The following PCDHGA7 variants were observed in gnomAD, a reference collection of about 807,000 sequenced individuals.
The protein encoded by PCDHGA7 is protocadherin gamma subfamily A, 7, also known as protocadherin gamma-A7.
In PCDHGA7, 44 loss-of-function variants were observed where a neutral mutation model predicts 58.3. The ratio of observed to expected loss-of-function variants is 0.75; its 90% CI spans 0.59 to 0.97. The LOEUF (loss-of-function observed/expected upper bound fraction) is 0.97, where lower values mean the gene tolerates loss of function less well. Among genes scored for constraint, PCDHGA7 ranks in the 50% least tolerant of loss-of-function variants. The pLI is 0.00. For synonymous variants in PCDHGA7, 516 were observed against 504.2 expected (o/e 1.02, Z -0.31); for missense variants, 1,266 against 1,188.7 (o/e 1.06, Z -0.96).
At chr5:141,507,797 C>T (rs933921827) in intron 3 of PCDHGA7, among the ~76,000 whole-genome samples, 3 of 152,240 alleles carry the variant, frequency 2.0e-5, no homozygotes, top group Non-Finnish European at 2.9e-5. Flanking sequence ...TCTAAGCCTG[C>T]GCCCTGGGGA....
Position 141,385,198 on chromosome 5 carries a change from C to A in PCDHGA7, c.2299C>A (p.His767Asn). 1 of 1,614,224 alleles carries A rather than the reference C, an allele frequency of 6.2e-7. No individual in the cohort carries two copies. Among genetic ancestry groups the A allele is most frequent in the Non-Finnish European group, 8.5e-7 (1 of 1,180,042 alleles). ...VSLTADSRKS[H>N]LIFPQPNYVD... The stretch of plus-strand genomic sequence containing the variant: ...CCTCACCGCGGACTCTCGGAAGAGT[C>A]ACCTGATCTTCCCCCAGCCCAACTA... Residue 767 changes from histidine (H) to asparagine (N), a missense_variant, in exon 1 of 4, where the codon CAC (histidine) becomes AAC (asparagine). By Grantham distance (68) the His-to-Asn change is moderately conservative (BLOSUM62 1). Coordinates refer to ENST00000518325, the MANE Select transcript of PCDHGA7 (RefSeq NM_018920.4).
At position 141,485,971 on chromosome 5, in the gene PCDHGA7, C is replaced by T; in HGVS notation, c.2425-8836C>T. On this transcript the variant is annotated intron_variant, in intron 1 of 3. Transcript: ENST00000518325. This position sits in a 1 kb window ranked among gnomAD's most constrained non-coding sequence, Gnocchi z 5.7. Reference sequence around the variant, plus strand: ...GCATGGTGCTCATCCAGCTCAATGCCTCAGACCCGGACCTGGGTCCCAGTG... The same window carrying T: ...GCATGGTGCTCATCCAGCTCAATGCTTCAGACCCGGACCTGGGTCCCAGTG... The T allele has an allele frequency of 6.2e-7, 1 of 1,614,196 alleles. No individual in the cohort carries two copies. The highest frequency in any genetic ancestry group is 8.5e-7 in the Non-Finnish European group (1 of 1,180,042).
chr5:141,397,205 AAG>A (rs896486095), intron 1 of PCDHGA7, among the ~76,000 whole-genome samples: 76 of 152,336 alleles, frequency 5.0e-4, no homozygotes, highest in African/African-American at 1.8e-3. Context: ...GATATGACAT[AAG>A]AGAAGTATTT....
chr5:141,490,476 G>A lies in PCDHGA7; in HGVS notation c.2425-4331G>A. 1 of 1,614,208 alleles carries A rather than the reference G, an allele frequency of 6.2e-7. No homozygotes were observed. The highest frequency in any genetic ancestry group is 8.5e-7 in the Non-Finnish European group (1 of 1,180,046). On this transcript the variant is annotated intron_variant, in intron 1 of 3. Transcript: ENST00000518325. The surrounding 1 kb of genome is among the most constrained non-coding windows in gnomAD (Gnocchi z 5.4). ...ACTCGCTGCTAACCAGCCAGCCTTT[G>A]GACCGGGAGGCCACATCCCACTATA...
intron 2 of PCDHGA7, among the ~76,000 whole-genome samples, chr5:141,496,411 CT>C (rs1266082660): frequency 6.6e-6 from 1 of 152,190 alleles, no homozygotes; most frequent in African/African-American, 2.4e-5. Context: ...TGGTTGAGTA[CT>C]TGCTGTCCAC....
intron 1 of PCDHGA7, chr5:141,423,443 C>A: frequency 6.2e-7 from 1 of 1,613,998 alleles, no homozygotes; most frequent in Non-Finnish European, 8.5e-7. Flanking sequence ...ATGCCCACGT[C>A]ACATTTTGTA....
chr5:141,402,593 G>T (rs4151700), intron 1 of PCDHGA7, among the ~76,000 whole-genome samples: 8,085 of 152,244 alleles, frequency 0.053, 229 homozygotes, highest in South Asian at 0.08. Flanking sequence ...AAAATAGATT[G>T]CTTTTGAAAT....
At chr5:141,403,121 C>T (rs2094357954) in intron 1 of PCDHGA7, 1 of 1,614,046 alleles carries the variant, frequency 6.2e-7, no homozygotes, top group Non-Finnish European at 8.5e-7. Context: ...TCTGGAGCCC[C>T]GGGAGCTGGC....
chr5:141,444,152 ATTTTTTTTTTTTTT>A (rs747671382), intron 1 of PCDHGA7, among the ~76,000 whole-genome samples: 241 of 33,882 alleles, frequency 7.1e-3, no homozygotes, highest in African/African-American at 0.019. Flanking sequence ...TGTGTACTGG[ATTTTTTTTTTTTTT>A]TTTTTTTTTT....
intron 1 of PCDHGA7, among the ~76,000 whole-genome samples, chr5:141,443,016 G>T (rs1325670377): frequency 6.6e-6 from 1 of 152,204 alleles, no homozygotes; most frequent in East Asian, 1.9e-4. Context: ...TATGACTAAT[G>T]GAAGTTGCCA....
At chr5:141,408,651 C>G (rs373860648) in intron 1 of PCDHGA7, 3 of 1,614,012 alleles carry the variant, frequency 1.9e-6, no homozygotes, top group South Asian at 1.1e-5. Context: ...TCCGCTGGTA[C>G]ACGACTATCG....
intron 1 of PCDHGA7, among the ~76,000 whole-genome samples, chr5:141,459,789 G>A (rs960868607): frequency 6.6e-6 from 1 of 152,206 alleles, no homozygotes; most frequent in Non-Finnish European, 1.5e-5. Context: ...AGTTTCAACT[G>A]TTTTTCCCTG....
In PCDHGA7 at chr5:141,438,327, A is replaced by G. The variant is rs369043587; in HGVS notation, c.2424+53004A>G. 1.5e-4 allele frequency among the ~76,000 whole-genome samples: 23 copies of G among 152,106 alleles called. No homozygotes were observed. The East Asian group carries it at 4.1e-3, about 27-fold the overall frequency. ...TTGGTACCACCATAATTTTTCTTAT[A>G]CATGTCATATAAGGATCTACTCTGT... On this transcript the variant is annotated intron_variant, in intron 1 of 3. Transcript: ENST00000518325.
chr5:141,383,786 C>T lies in PCDHGA7; in HGVS notation c.887C>T (p.Ser296Leu). ...CTTCCAAAGATGTTTCATCTGAACT[C>T]GCTTACAGGAGAAATATCAACTTTA... ...PKLPKMFHLN[S>L]LTGEISTLEG... The change falls in exon 1 of 4, where the codon TCG becomes TTG. Residue 296 changes from serine to leucine, a missense_variant. Physicochemically the swap from Ser to Leu is moderately radical, Grantham distance 145. Transcript: ENST00000518325. 6.2e-7 allele frequency: 1 copy of T among 1,613,928 alleles called. No individual in the cohort carries two copies. Among genetic ancestry groups the T allele is most frequent in the South Asian group, 1.1e-5 (1 of 91,074 alleles).
At chr5:141,420,289 AT>A in intron 1 of PCDHGA7, 1 of 1,497,936 alleles carries the variant, frequency 6.7e-7, no homozygotes, top group Non-Finnish European at 9.0e-7. Flanking sequence ...GTATTTAAAA[AT>A]GTATTTAATC....
Position 141,489,079 on chromosome 5 carries a change from C to CCCCA in PCDHGA7, c.2425-5727_2425-5726insCCAC. ...CTCCCCTCCCCCCTGCCCACCCCCGCCACTCGGTGACTAAGAACTGCTGCA... is the reference window on the plus strand; with the variant it reads ...CTCCCCTCCCCCCTGCCCACCCCCGCCCCACACTCGGTGACTAAGAACTGCTGCA... On this transcript the variant is annotated intron_variant, in intron 1 of 3. Transcript: ENST00000518325. This position sits in a 1 kb window ranked among gnomAD's most constrained non-coding sequence, Gnocchi z 4.5. The CCCCA allele has an allele frequency of 9.1e-6, 3 of 329,992 alleles. No homozygotes were observed. Among genetic ancestry groups the CCCCA allele is most frequent in the African/African-American group, 2.4e-5 (1 of 41,312 alleles). The allele number at this position is 329,992 out of a possible 1,614,324, so 20.4% of individuals were successfully genotyped here.
At chr5:141,459,375 C>T (rs973503237) in intron 1 of PCDHGA7, among the ~76,000 whole-genome samples, 2 of 152,194 alleles carry the variant, frequency 1.3e-5, no homozygotes, top group African/African-American at 4.8e-5. Flanking sequence ...GTATCAGCAG[C>T]GTGTTCCATT....
chr5:141,401,017 T>C (rs2094103677), intron 1 of PCDHGA7, among the ~76,000 whole-genome samples: 3 of 152,226 alleles, frequency 2.0e-5, no homozygotes, highest in Admixed American at 2.0e-4. Context: ...AATGGATTTA[T>C]GATTTTTTGA....
At chr5:141,484,876 A>C in intron 1 of PCDHGA7, 1 of 315,240 alleles carries the variant, frequency 3.2e-6, no homozygotes, top group Non-Finnish European at 5.8e-6. Flanking sequence ...CGTGGAGGAT[A>C]GGGTGGGCTT....
Sources: gnomAD v4.1 joint callset for allele counts (sites outside exome capture counted in the v4.1 genomes callset) on GRCh38, gnomAD v4.1.1 for gene constraint, Gnocchi (gnomAD v3.1) non-coding constraint, MANE v1.5 for transcripts, NCBI Gene and HGNC (gene_info 2026-07-23, HGNC 2026-07-21) for gene names.